The following FANCD2 variants were observed in gnomAD, a reference collection of about 807,000 sequenced individuals.
FANCD2 encodes the protein Fanconi anemia group D2 protein.
Under a neutral mutation model 192.3 loss-of-function variants are expected in FANCD2, and 131 were observed. The observed-to-expected ratio is 0.68, with a 90% CI of 0.59 to 0.79. The LOEUF is 0.79. Ranked by LOEUF, FANCD2 falls within the 30% of genes least tolerant of loss-of-function variation. The pLI, the probability that FANCD2 is intolerant of heterozygous loss-of-function variation, is 0.00. For synonymous variants in FANCD2, 524 were observed against 612.5 expected (o/e 0.86, Z 2.13); for missense variants, 1,508 against 1,701.6 (o/e 0.89, Z 2.00).
chr3:10,062,280 A>G, intron 20 of FANCD2, 69 bp downstream of exon 20: 2 of 1,302,530 alleles, frequency 1.5e-6, no homozygotes, highest in Non-Finnish European at 2.2e-6. Context: ...TCGCTCTGTC[A>G]CCCAACCTGC....
chr3:10,082,882 C>G (rs186914908), intron 32 of FANCD2, among the ~76,000 whole-genome samples: 1 of 152,230 alleles, frequency 6.6e-6, no homozygotes, highest in East Asian at 1.9e-4. Context: ...AAAGCAGTGC[C>G]TGACAAAAAC....
chr3:10,053,309 A>G (rs547272282), intron 18 of FANCD2, among the ~76,000 whole-genome samples: 2 of 149,104 alleles, frequency 1.3e-5, no homozygotes, highest in Non-Finnish European at 3.0e-5. Flanking sequence ...ATTCTCAGTC[A>G]TAGGTGGGAA....
Position 10,043,361 on chromosome 3 carries a change from G to A in FANCD2, c.990-123G>A, listed in dbSNP as rs943261458. On this transcript the variant is annotated intron_variant, in intron 12 of 43. Coordinates refer to ENST00000675286, the MANE Select transcript of FANCD2 (RefSeq NM_001018115.3). ...CAATCCCAGACAGACGACAGTGCAA[G>A]TTTATTAGCCATCTTATACATGAGG... 6 of 858,234 alleles carry A rather than the reference G, an allele frequency of 7.0e-6. No homozygotes were observed. In the African/African-American group the frequency reaches 8.4e-5, roughly 12 times the overall value. The allele number at this position is 858,234 out of a possible 1,614,324, so 53.2% of individuals were successfully genotyped here.
At chr3:10,057,548 A>G (rs532541008) in intron 18 of FANCD2, among the ~76,000 whole-genome samples, 1 of 152,150 alleles carries the variant, frequency 6.6e-6, no homozygotes, top group South Asian at 2.1e-4. Context: ...TATTTTTAGT[A>G]GAGACGGGGT....
chr3:10,045,077 C>T (rs1229101140), intron 14 of FANCD2, among the ~76,000 whole-genome samples: 22 of 126,480 alleles, frequency 1.7e-4, no homozygotes, highest in African/African-American at 8.0e-4. Context: ...GTCCTGCTTG[C>T]CTTTTTAACT....
chr3:10,088,577 G>C (rs774237163), intron 35 of FANCD2, 35 bp downstream of exon 35: 1 of 1,424,462 alleles, frequency 7.0e-7, no homozygotes, highest in Admixed American at 1.7e-5. Context: ...GAGCCAAATA[G>C]CTTTTTTCTA....
chr3:10,067,423 G>T, intron 26 of FANCD2, 106 bp downstream of exon 26: 1 of 716,376 alleles, frequency 1.4e-6, no homozygotes. Flanking sequence ...ATCAAAAAAA[G>T]AAATCTCAGG....
chr3:10,040,551 T>C (rs34254235), intron 9 of FANCD2: 4 of 456,612 alleles, frequency 8.8e-6, no homozygotes, highest in African/African-American at 4.0e-5. Context: ...TTCATTCTAA[T>C]GCACAGTCCT....
chr3:10,042,611 C>G lies in FANCD2; in HGVS notation c.836C>G (p.Pro279Arg), dbSNP rs752880854. 4 of 1,613,992 alleles carry G rather than the reference C, an allele frequency of 2.5e-6. No homozygotes were observed. Among genetic ancestry groups the G allele is most frequent in the Non-Finnish European group, 2.5e-6 (3 of 1,179,948 alleles). ...TCGTCTATTAGATTGGAGGATTTAC[C>G]TGTGATAATAAAGTTCATTCTTCAT... ...KLSSIRLEDLPVIIKFILHSV... is the reference protein window; with the variant it reads ...KLSSIRLEDLRVIIKFILHSV... The change falls in exon 11 of 44, where the codon CCT becomes CGT. Residue 279 changes from proline (P) to arginine (R), a missense_variant. Pro to Arg is a moderately radical substitution (Grantham distance 103, BLOSUM62 -2). This residue lies in a region of FANCD2 where 435 missense variants were observed against 421.9 expected (regional missense o/e 1.03). Transcript: ENST00000675286.
At chr3:10,101,145 G>A in intron 43 of FANCD2, 43 bp from the exon 44 acceptor site, 1 of 1,420,576 alleles carries the variant, frequency 7.0e-7, no homozygotes, top group Non-Finnish European at 1.0e-6. Flanking sequence ...GTCACCCAGA[G>A]CAGTAACCTA....
chr3:10,046,445 CT>C (rs2087013065), intron 14 of FANCD2, 134 bp from the exon 15 acceptor site: 2 of 1,437,776 alleles, frequency 1.4e-6, no homozygotes, highest in Non-Finnish European at 1.9e-6. Context: ...AGTGTAGATA[CT>C]CCCAGGGGAG....
intron 41 of FANCD2, 84 bp downstream of exon 41, chr3:10,095,358 C>T: frequency 9.2e-7 from 1 of 1,092,394 alleles, no homozygotes; most frequent in Non-Finnish European, 1.4e-6. Flanking sequence ...GGCTACCATC[C>T]TTCTTCCTTT....
rs754430808 is a variant in FANCD2 at position 10,095,321 on chromosome 3, T to C, written c.4038+47T>C. On this transcript the variant is annotated intron_variant, in intron 41 of 43. Transcript: ENST00000675286. ...ATCAGCAGCCTGCCTGTTGGCTTAATCTGCAGTTGCTATTGGGGGATCCAT... is the reference window on the plus strand; with the variant it reads ...ATCAGCAGCCTGCCTGTTGGCTTAACCTGCAGTTGCTATTGGGGGATCCAT... 8.1e-6 allele frequency: 12 copies of C among 1,484,790 alleles called. No homozygotes were observed. In the East Asian group the frequency reaches 2.7e-4, roughly 34 times the overall value. 92.0% of individuals were successfully genotyped at this position (1,484,790 alleles called of 1,614,324 possible).
At chr3:10,081,560 C>G in intron 32 of FANCD2, 96 bp downstream of exon 32, 1 of 901,612 alleles carries the variant, frequency 1.1e-6, no homozygotes, top group Non-Finnish European at 1.9e-6. Flanking sequence ...AGAAAAGGTT[C>G]AAAAATCTTA....
chr3:10,062,332 T>G, intron 20 of FANCD2, 121 bp downstream of exon 20: 1 of 753,240 alleles, frequency 1.3e-6, no homozygotes, highest in South Asian at 1.6e-5. Flanking sequence ...CCTCCACCTC[T>G]CAGGTTCAAG....
Position 10,093,302 on chromosome 3 carries a change from T to C in FANCD2, c.3867T>C (p.Pro1289=), listed in dbSNP as rs1486027319. The C allele has an allele frequency of 6.2e-7, 1 of 1,613,508 alleles. No homozygotes were observed. Among genetic ancestry groups the C allele is most frequent in the Admixed American group, 1.7e-5 (1 of 60,028 alleles). The change falls in exon 39 of 44, where the codon CCT becomes CCC. Residue 1289 remains proline (P), a synonymous_variant. Transcript: ENST00000675286. ...INLIKVFDSH[P]VLHVCLKYGR... Reference sequence around the variant, plus strand: ...CTCTCCAGGTATTTGATAGTCATCCTGTTCTGCATGTATGTTTGAAGGTGA... The same window carrying C: ...CTCTCCAGGTATTTGATAGTCATCCCGTTCTGCATGTATGTTTGAAGGTGA...
intron 27 of FANCD2, 109 bp from the exon 28 acceptor site, chr3:10,073,144 C>T (rs1237393464): frequency 1.1e-6 from 1 of 929,940 alleles, no homozygotes; most frequent in Non-Finnish European, 1.7e-6. Flanking sequence ...TATAAAATTA[C>T]CTCTTCTACC....
chr3:10,064,161 C>G (rs778340315), intron 21 of FANCD2, among the ~76,000 whole-genome samples, 195 bp from the exon 22 acceptor site: 9 of 152,178 alleles, frequency 5.9e-5, no homozygotes, highest in Non-Finnish European at 1.2e-4. Context: ...TCTGAGAGCC[C>G]TATTCTGTGC....
chr3:10,042,539 T>G lies in FANCD2; in HGVS notation c.784-20T>G. On this transcript the variant is annotated intron_variant, in intron 10 of 43. Transcript: ENST00000675286. ...TAGTGACATGAAAACCTATTAAGTTTCTGTGCTTTTAATTTTTAGGTTCGC... is the reference window on the plus strand; with the variant it reads ...TAGTGACATGAAAACCTATTAAGTTGCTGTGCTTTTAATTTTTAGGTTCGC... 1.3e-6 allele frequency: 2 copies of G among 1,585,064 alleles called. No individual in the cohort carries two copies. The highest frequency in any genetic ancestry group is 8.7e-7 in the Non-Finnish European group (1 of 1,153,478).
Sources: allele counts gnomAD v4.1 joint callset (sites outside exome capture counted in the v4.1 genomes callset), GRCh38; gene constraint gnomAD v4.1.1; regional missense constraint gnomAD v4.1.1; transcripts MANE v1.5; gene names NCBI Gene and HGNC (gene_info 2026-07-23, HGNC 2026-07-21).